The following LPIN2 variants were observed in gnomAD, a reference collection of about 807,000 sequenced individuals.
The protein encoded by LPIN2 is lipin 2, also known as phosphatidate phosphatase LPIN2.
LPIN2 carries 55 observed loss-of-function variants against 111.4 expected under a neutral mutation model. That is an observed-to-expected ratio of 0.49 (90% confidence interval 0.40 to 0.62). The LOEUF is 0.62. Among genes scored for constraint, LPIN2 ranks in the 20% least tolerant of loss-of-function variants. LPIN2 has a pLI of 0.00. For synonymous variants in LPIN2, 425 were observed against 414.0 expected (o/e 1.03, Z -0.32); for missense variants, 992 against 1,112.1 (o/e 0.89, Z 1.54).
chr18:2,996,116 G>A (rs547642692), intron 1 of LPIN2, among the ~76,000 whole-genome samples: 10 of 152,042 alleles, frequency 6.6e-5, no homozygotes, highest in Admixed American at 1.3e-4. Flanking sequence ...CGAGGCGGGC[G>A]GATCATGAGG....
In LPIN2 at chr18:2,918,400, C is replaced by G. The variant is rs1420819498; in HGVS notation, c.*1893G>C. 2.0e-5 allele frequency: 3 copies of G among 152,206 alleles called. No individual in the cohort carries two copies. Among genetic ancestry groups the G allele is most frequent in the Admixed American group, 6.5e-5 (1 of 15,282 alleles). The allele number at this position is 152,206 out of a possible 1,614,324, so 9.4% of individuals were successfully genotyped here. On this transcript the variant is annotated 3_prime_UTR_variant, in exon 20 of 20. Transcript: ENST00000677752. The stretch of plus-strand genomic sequence containing the variant: ...TAAGCTCAGTTAAACACACAAAGCT[C>G]TCATTCTTCCTCTAAATAGAAGGTA...
chr18:2,968,822 C>T (rs1362430578), intron 1 of LPIN2, among the ~76,000 whole-genome samples: 1 of 152,120 alleles, frequency 6.6e-6, no homozygotes, highest in Non-Finnish European at 1.5e-5. Flanking sequence ...TTCTTCTGTT[C>T]AGGGAAGCGA....
chr18:3,008,885 T>G (rs989721640), intron 1 of LPIN2, among the ~76,000 whole-genome samples: 1 of 150,902 alleles, frequency 6.6e-6, no homozygotes, highest in Non-Finnish European at 1.5e-5. Flanking sequence ...CTGTGTTTTT[T>G]TTTTTTTTTT....
chr18:2,951,377 A>G, intron 3 of LPIN2, 21 bp from the exon 4 acceptor site: 1 of 1,603,774 alleles, frequency 6.2e-7, no homozygotes, highest in Non-Finnish European at 8.5e-7. Context: ...ATGGAGAAAG[A>G]AAAGTTATCC....
intron 1 of LPIN2, among the ~76,000 whole-genome samples, chr18:2,971,740 T>C (rs1485912991): frequency 2.1e-5 from 2 of 95,312 alleles, no homozygotes; most frequent in Admixed American, 2.8e-4. Context: ...CATATAACCA[T>C]GCACTGGAAA....
chr18:3,003,852 C>T (rs1477032047), intron 1 of LPIN2, among the ~76,000 whole-genome samples: 2 of 152,148 alleles, frequency 1.3e-5, no homozygotes, highest in Non-Finnish European at 2.9e-5. Context: ...GGGCAGAATA[C>T]AGCCATATTT....
intron 1 of LPIN2, among the ~76,000 whole-genome samples, chr18:3,010,084 C>T (rs1279990568): frequency 2.0e-5 from 3 of 152,208 alleles, no homozygotes; most frequent in Admixed American, 1.3e-4. Context: ...CTGGCCATTC[C>T]CCACTACACA....
rs117344869 is a variant in LPIN2, at chr18:3,004,675, C to G, written c.-10+8412G>C. Reference sequence around the variant, plus strand: ...TTGGATACTGACATACCACGTCTCACATAGTCCCACTGAGCCCATTTCCTC... The same window carrying G: ...TTGGATACTGACATACCACGTCTCAGATAGTCCCACTGAGCCCATTTCCTC... On this transcript the variant is annotated intron_variant, in intron 1 of 19. Transcript: ENST00000677752. Among the ~76,000 whole-genome samples the G allele has an allele frequency of 6.5e-3, 992 of 152,328 alleles. 16 individuals are homozygous for G. Among genetic ancestry groups the G allele is most frequent in the South Asian group, 0.042 (202 of 4,828 alleles).
chr18:2,916,997 A>G (rs1015877744), downstream of LPIN2: 2 of 152,266 alleles, frequency 1.3e-5, no homozygotes, highest in Non-Finnish European at 2.9e-5. Flanking sequence ...AAATGCATTC[A>G]GTTTATGTTA....
chr18:2,944,163 T>G (rs1197343132), intron 4 of LPIN2, among the ~76,000 whole-genome samples: 1 of 151,630 alleles, frequency 6.6e-6, no homozygotes, highest in Non-Finnish European at 1.5e-5. Context: ...TTACCTATAT[T>G]TAAAATAAAT....
chr18:3,011,520 C>CT (rs755071709), intron 1 of LPIN2, among the ~76,000 whole-genome samples: 45 of 152,210 alleles, frequency 3.0e-4, no homozygotes, highest in Admixed American at 1.2e-3. Context: ...CCCCCGGTCT[C>CT]TAATAAAAAT....
At chr18:2,964,615 TA>T (rs776571842) in intron 1 of LPIN2, among the ~76,000 whole-genome samples, 24 of 152,162 alleles carry the variant, frequency 1.6e-4, no homozygotes, top group Non-Finnish European at 2.9e-4. Context: ...TGGTAAGAAA[TA>T]AATGTCTGTT....
intron 7 of LPIN2, among the ~76,000 whole-genome samples, chr18:2,936,271 A>G (rs1003297440): frequency 2.0e-5 from 3 of 152,172 alleles, no homozygotes; most frequent in Non-Finnish European, 4.4e-5. Context: ...AATTTTAGAG[A>G]AGGTTTCACA....
At chr18:2,960,218 G>GTGTGTA (rs2077690671) in intron 2 of LPIN2, among the ~76,000 whole-genome samples, 1 of 142,064 alleles carries the variant, frequency 7.0e-6, no homozygotes, top group Non-Finnish European at 1.5e-5. Context: ...GTGTGTGTGT[G>GTGTGTA]TTCTTGATTA....
intron 1 of LPIN2, chr18:2,990,682 T>G: frequency 3.5e-6 from 1 of 282,726 alleles, no homozygotes; most frequent in South Asian, 3.5e-5. Context: ...CATCCATGAC[T>G]CTCCATTTAT....
intron 1 of LPIN2, among the ~76,000 whole-genome samples, chr18:2,993,358 C>T (rs538277100): frequency 5.6e-4 from 86 of 152,308 alleles, no homozygotes; most frequent in Admixed American, 1.6e-3. Context: ...TAAATATCAT[C>T]TTCTATTCCT....
chr18:2,991,731 G>A (rs2078268267), intron 1 of LPIN2, among the ~76,000 whole-genome samples: 1 of 152,046 alleles, frequency 6.6e-6, no homozygotes. Flanking sequence ...TAATAATAAG[G>A]CCGGGCACAG....
intron 4 of LPIN2, among the ~76,000 whole-genome samples, chr18:2,941,136 T>TA (rs1402456064): frequency 6.6e-6 from 1 of 152,192 alleles, no homozygotes; most frequent in Admixed American, 6.5e-5. Context: ...TCAAAACAAG[T>TA]AAGCCCTTAT....
At chr18:2,966,540 A>T (rs944768577) in intron 1 of LPIN2, among the ~76,000 whole-genome samples, 1 of 152,230 alleles carries the variant, frequency 6.6e-6, no homozygotes, top group Admixed American at 6.5e-5. Flanking sequence ...GTATGAGCCT[A>T]GAACCTAAGC....
Sources: allele counts gnomAD v4.1 joint callset (sites outside exome capture counted in the v4.1 genomes callset), GRCh38; gene constraint gnomAD v4.1.1; transcripts MANE v1.5; gene names NCBI Gene and HGNC (gene_info 2026-07-23, HGNC 2026-07-21).